RHOBTB1: variants seen among roughly 807,000 people sequenced by gnomAD.
The protein encoded by RHOBTB1 is Rho related BTB domain containing 1, also known as rho-related BTB domain-containing protein 1.
A neutral mutation model predicts 71.6 loss-of-function variants in RHOBTB1; 40 were observed. The observed-to-expected ratio is 0.56, with a 90% CI of 0.43 to 0.73. The LOEUF is 0.73. RHOBTB1 is among the 30% of genes least tolerant of loss of function. The pLI is 0.00. For synonymous variants in RHOBTB1, 319 were observed against 334.9 expected (o/e 0.95, Z 0.52); for missense variants, 797 against 894.0 (o/e 0.89, Z 1.38).
intron 2 of RHOBTB1, among the ~76,000 whole-genome samples, chr10:60,929,568 CA>C (rs2084105532): frequency 6.6e-6 from 1 of 151,346 alleles, no homozygotes; most frequent in African/African-American, 2.4e-5. Context: ...AAACCAAAGC[CA>C]AAAAAATGTA....
At chr10:60,991,345 C>T (rs1219449475) in intron 1 of RHOBTB1, among the ~76,000 whole-genome samples, 1 of 152,076 alleles carries the variant, frequency 6.6e-6, no homozygotes, top group Non-Finnish European at 1.5e-5. Flanking sequence ...TAAAAAGGCT[C>T]CCTTGGTGAT....
chr10:60,882,839 C>T (rs2081387508), intron 7 of RHOBTB1, among the ~76,000 whole-genome samples: 1 of 152,160 alleles, frequency 6.6e-6, no homozygotes. Context: ...TTTCCGGGGA[C>T]AAATACCCTT....
At chr10:60,937,266 G>A (rs988341344) in intron 2 of RHOBTB1, among the ~76,000 whole-genome samples, 2 of 152,166 alleles carry the variant, frequency 1.3e-5, no homozygotes, top group Admixed American at 6.5e-5. Flanking sequence ...TAGTTATCAA[G>A]TGCTGCAGAT....
chr10:60,886,451 C>T (rs2081580899), intron 6 of RHOBTB1, among the ~76,000 whole-genome samples: 3 of 152,140 alleles, frequency 2.0e-5, no homozygotes, highest in Admixed American at 2.0e-4. Flanking sequence ...AGTCACGGCA[C>T]AAACTCTCTG....
At chr10:60,885,907 A>G (rs2081545218) in intron 7 of RHOBTB1, among the ~76,000 whole-genome samples, 1 of 152,140 alleles carries the variant, frequency 6.6e-6, no homozygotes, top group Non-Finnish European at 1.5e-5. Context: ...AGCTCCTCAA[A>G]ACTGCAGATC....
intron 7 of RHOBTB1, among the ~76,000 whole-genome samples, chr10:60,880,033 TAAGTTA>T (rs930613727): frequency 2.0e-4 from 31 of 152,218 alleles, no homozygotes; most frequent in African/African-American, 6.7e-4. Flanking sequence ...ACTCTACAGA[TAAGTTA>T]AAGTATACAG....
chr10:61,001,034 G>A (rs1418736546), intron 1 of RHOBTB1, among the ~76,000 whole-genome samples: 1 of 151,728 alleles, frequency 6.6e-6, no homozygotes, highest in African/African-American at 2.4e-5. Context: ...GGCCACCCCC[G>A]CCTCCGCCAG....
intron 1 of RHOBTB1, among the ~76,000 whole-genome samples, chr10:60,999,071 G>A (rs2087161628): frequency 6.6e-6 from 1 of 152,162 alleles, no homozygotes; most frequent in Non-Finnish European, 1.5e-5. Context: ...CTCCGGAAAT[G>A]CAAGCTCTTT....
At chr10:60,990,572 C>T (rs1042910853) in intron 1 of RHOBTB1, among the ~76,000 whole-genome samples, 2 of 152,164 alleles carry the variant, frequency 1.3e-5, no homozygotes, top group Admixed American at 6.5e-5. Flanking sequence ...ACACACATTT[C>T]TCAGTCTTCT....
intron 2 of RHOBTB1, among the ~76,000 whole-genome samples, chr10:60,975,201 G>A (rs1362662145): frequency 6.6e-6 from 1 of 151,990 alleles, no homozygotes; most frequent in Non-Finnish European, 1.5e-5. Context: ...TCAATGAACT[G>A]GTTACCAAGT....
chr10:60,988,490 T>C (rs1408135685), intron 1 of RHOBTB1, among the ~76,000 whole-genome samples: 3 of 151,860 alleles, frequency 2.0e-5, no homozygotes, highest in Admixed American at 6.6e-5. Flanking sequence ...CAGTGTCTGT[T>C]GTTCCATTCT....
intron 4 of RHOBTB1, among the ~76,000 whole-genome samples, chr10:60,910,331 A>C (rs762788485): frequency 3.2e-4 from 48 of 152,210 alleles, no homozygotes; most frequent in Admixed American, 5.2e-4. Flanking sequence ...CCTTTTTAAA[A>C]AAATAAACGT....
chr10:60,904,257 C>G (rs999029327), intron 4 of RHOBTB1, among the ~76,000 whole-genome samples: 9 of 152,072 alleles, frequency 5.9e-5, no homozygotes, highest in Non-Finnish European at 8.8e-5. Flanking sequence ...TATTTCTCGT[C>G]TTAAAGAATT....
chr10:60,874,357 T>C (rs916301790), intron 9 of RHOBTB1, among the ~76,000 whole-genome samples: 6 of 152,154 alleles, frequency 3.9e-5, no homozygotes, highest in Non-Finnish European at 7.3e-5. Flanking sequence ...ATCTGTAAGG[T>C]TGGTAGGATG....
At chr10:60,925,612 G>GA (rs2083827868) in intron 2 of RHOBTB1, among the ~76,000 whole-genome samples, 3 of 151,650 alleles carry the variant, frequency 2.0e-5, no homozygotes, top group South Asian at 4.1e-4. Context: ...GATAAAAATA[G>GA]AAAAAATCAA....
At chr10:60,897,014 CA>C (rs2082191969) in intron 4 of RHOBTB1, among the ~76,000 whole-genome samples, 1 of 151,588 alleles carries the variant, frequency 6.6e-6, no homozygotes, top group African/African-American at 2.4e-5. Flanking sequence ...GAACACTGGC[CA>C]AAGATAGCAT....
chr10:60,916,271 G>C (rs1250669426), intron 2 of RHOBTB1, among the ~76,000 whole-genome samples: 1 of 152,180 alleles, frequency 6.6e-6, no homozygotes, highest in South Asian at 2.1e-4. Flanking sequence ...TAGCCCAGCA[G>C]GGATGAGAAT....
At chr10:60,902,375 T>G (rs1219214757) in intron 4 of RHOBTB1, among the ~76,000 whole-genome samples, 1 of 152,210 alleles carries the variant, frequency 6.6e-6, no homozygotes, top group Non-Finnish European at 1.5e-5. Flanking sequence ...CCACCTTTAA[T>G]TGTTCTACTT....
intron 2 of RHOBTB1, among the ~76,000 whole-genome samples, chr10:60,966,320 A>G (rs1044624547): frequency 1.4e-4 from 21 of 152,112 alleles, no homozygotes; most frequent in South Asian, 1.0e-3. Flanking sequence ...AAAAAAAGCA[A>G]AAGTTACTTT....
Sources: allele counts gnomAD v4.1 joint callset (sites outside exome capture counted in the v4.1 genomes callset), GRCh38; gene constraint gnomAD v4.1.1; transcripts MANE v1.5; gene names NCBI Gene and HGNC (gene_info 2026-07-23, HGNC 2026-07-21).